The following RAD21 variants were observed in gnomAD, a reference collection of about 807,000 sequenced individuals.
RAD21 encodes RAD21 cohesin complex component, also known as double-strand-break repair protein rad21 homolog.
Under a neutral mutation model 71.5 loss-of-function variants are expected in RAD21, and 18 were observed. The observed-to-expected ratio is 0.25, with a 90% CI of 0.17 to 0.37. The LOEUF is 0.37. Ranked by LOEUF, RAD21 falls within the 10% of genes least tolerant of loss-of-function variation. The probability of loss-of-function intolerance (pLI) is 1.00; values close to 1 mark genes in which losing one functional copy is unlikely to be tolerated. For missense variants in RAD21, 493 were observed against 769.1 expected (o/e 0.64, Z 4.25); for synonymous variants, 248 against 254.0 (o/e 0.98, Z 0.22).
chr8:116,859,107 A>AAAAAAAAAAAAAAAAAAAAG (rs1812531207), intron 4 of RAD21, among the ~76,000 whole-genome samples: 1 of 151,622 alleles, frequency 6.6e-6, no homozygotes. Flanking sequence ...GGAGAAAAAA[A>AAAAAAAAAAAAAAAAAAAAG]AAAAAAAAAA....
At chr8:116,856,832 A>C in intron 6 of RAD21, 61 bp from the exon 7 acceptor site, 1 of 1,269,426 alleles carries the variant, frequency 7.9e-7, no homozygotes, top group Non-Finnish European at 1.0e-6. Context: ...CACAACAGCC[A>C]ATCAATGGAA....
chr8:116,858,518 C>A (rs912848702), intron 4 of RAD21, 60 bp from the exon 5 acceptor site: 1 of 1,341,096 alleles, frequency 7.5e-7, no homozygotes. Context: ...AAACAAATCC[C>A]AATTCTCTCT....
rs9297560 is a variant in RAD21 at position 116,850,723 on chromosome 8, G to C, written c.1515C>G (p.Pro505=). The C allele has an allele frequency of 4.6e-4, 741 of 1,613,220 alleles. 3 individuals carry two copies. The African/African-American group carries it at 9.2e-3, about 20-fold the overall frequency. ...EQMEIPPVEL[P]PEEPPNICQL... ...GACAGATATTTGGAGGTTCTTCTGG[G>C]GGAAGCTCTACAGGTGGTATTTCCA... Residue 505 remains proline, a synonymous_variant, in exon 12 of 14, where the codon CCC becomes CCG. Transcript: ENST00000297338.
chr8:116,856,311 A>C (rs777945694), intron 7 of RAD21, 23 bp from the exon 8 acceptor site: 3 of 1,467,976 alleles, frequency 2.0e-6, no homozygotes, highest in Admixed American at 5.3e-5. Flanking sequence ...AAAAAAAAAA[A>C]AAAAGTCACA....
intron 1 of RAD21, among the ~76,000 whole-genome samples, chr8:116,868,700 AAG>A (rs1433337488): frequency 6.6e-6 from 1 of 152,168 alleles, no homozygotes; most frequent in African/African-American, 2.4e-5. Context: ...ATTTGATTTC[AAG>A]ACTTACTATA....
chr8:116,854,580 C>G, intron 8 of RAD21, 112 bp from the exon 9 acceptor site: 1 of 797,152 alleles, frequency 1.3e-6, no homozygotes, highest in South Asian at 1.7e-5. Flanking sequence ...CAGACTCTAG[C>G]AGAGAAGTTA....
rs910654157 is a variant in RAD21 at position 116,857,137 on chromosome 8, C to A, written c.688+130G>T. 5 of 757,374 alleles carry A rather than the reference C, an allele frequency of 6.6e-6. No individual in the cohort carries two copies. In the Admixed American group the frequency reaches 1.4e-4, roughly 21 times the overall value. The allele number at this position is 757,374 out of a possible 1,614,324, so 46.9% of individuals were successfully genotyped here. A position where few individuals can be genotyped will look rare whatever the true frequency, so the allele number is the denominator to read the frequency against. On this transcript the variant is annotated intron_variant, in intron 6 of 13. Transcript: ENST00000297338. ...AGTTTTACCGAAATGTCCTATTGAACCAACTGATCACAATTCACTCATATA... is the reference window on the plus strand; with the variant it reads ...AGTTTTACCGAAATGTCCTATTGAAACAACTGATCACAATTCACTCATATA...
intron 13 of RAD21, 37 bp downstream of exon 13, chr8:116,848,909 G>T: frequency 1.3e-6 from 2 of 1,538,708 alleles, no homozygotes; most frequent in South Asian, 1.2e-5. Flanking sequence ...AAAAGCCTTT[G>T]ATGAAGCATT....
Position 116,846,015 on chromosome 8 carries a change from T to C in RAD21, c.*1485A>G, listed in dbSNP as rs996033786. 2 of 230,198 alleles carry C rather than the reference T, an allele frequency of 8.7e-6. No homozygotes were observed. The highest frequency in any genetic ancestry group is 4.4e-5 in the African/African-American group (2 of 45,170). The allele number at this position is 230,198 out of a possible 1,614,324, so 14.3% of individuals were successfully genotyped here. On this transcript the variant is annotated 3_prime_UTR_variant, in exon 14 of 14. Coordinates refer to ENST00000297338, the MANE Select transcript of RAD21 (RefSeq NM_006265.3). ...TTTTCAAGAACAATATTAAACCCGATAAGCAACAAAAACCAGACTAACAAA... is the reference window on the plus strand; with the variant it reads ...TTTTCAAGAACAATATTAAACCCGACAAGCAACAAAAACCAGACTAACAAA...
intron 1 of RAD21, 76 bp from the exon 2 acceptor site, chr8:116,866,837 AT>A (rs1443622622): frequency 9.8e-7 from 1 of 1,024,714 alleles, no homozygotes; most frequent in African/African-American, 1.7e-5. Context: ...GAAATTTAAA[AT>A]TTTTCTTCTC....
At chr8:116,856,315 A>AAC (rs1812464098) in intron 7 of RAD21, 27 bp from the exon 8 acceptor site, 1 of 1,376,598 alleles carries the variant, frequency 7.3e-7, no homozygotes. Flanking sequence ...AAAAAAAAAA[A>AAC]GTCACAAAAA....
At chr8:116,865,008 C>T (rs1812663013) in intron 2 of RAD21, among the ~76,000 whole-genome samples, 1 of 152,108 alleles carries the variant, frequency 6.6e-6, no homozygotes, top group Admixed American at 6.6e-5. Context: ...AACAACTAAA[C>T]TGACATTTTC....
At chr8:116,870,145 T>C (rs987838740) in intron 1 of RAD21, among the ~76,000 whole-genome samples, 74 of 152,282 alleles carry the variant, frequency 4.9e-4, no homozygotes, top group African/African-American at 1.7e-3. Flanking sequence ...TAATTCATAC[T>C]AAAAAAACTT....
At position 116,847,341 on chromosome 8, in the gene RAD21, G is replaced by C; in HGVS notation, c.*159C>G. 1 of 606,476 alleles carries C rather than the reference G, an allele frequency of 1.6e-6. No homozygotes were observed. Among genetic ancestry groups the C allele is most frequent in the East Asian group, 3.0e-5 (1 of 33,852 alleles). The allele number at this position is 606,476 out of a possible 1,614,324, so 37.6% of individuals were successfully genotyped here. A position where few individuals can be genotyped will look rare whatever the true frequency, so the allele number is the denominator to read the frequency against. ...ATCAGTTTCCCTCAAAGATGAAATT[G>C]ACAAATTTAATGTACTGGAAAAAAA... On this transcript the variant is annotated 3_prime_UTR_variant, in exon 14 of 14. Transcript: ENST00000297338.
At chr8:116,873,726 T>C (rs1332291467) in intron 1 of RAD21, among the ~76,000 whole-genome samples, 2 of 151,820 alleles carry the variant, frequency 1.3e-5, no homozygotes, top group Non-Finnish European at 2.9e-5. Flanking sequence ...AGAAGGCCGC[T>C]AAGTCTGGCA....
At position 116,850,672 on chromosome 8, in the gene RAD21, C is replaced by T; in HGVS notation, c.1566G>A (p.Leu522=). ...ICQLIPELEL[L]PEKEKEKEKE... is the part of the protein sequence containing the mutation. ...TCTCTTTCTCCTTCTCTTTTTCTGG[C>T]AGAAGTTCTAACTCTGGTATTAGCT... The change falls in exon 12 of 14, where the codon CTG becomes CTA. Residue 522 remains leucine (L), a synonymous_variant. Coordinates refer to ENST00000297338, the MANE Select transcript of RAD21 (RefSeq NM_006265.3). 2.5e-6 allele frequency: 4 copies of T among 1,612,492 alleles called. No individual in the cohort carries two copies. Among genetic ancestry groups the T allele is most frequent in the Non-Finnish European group, 3.4e-6 (4 of 1,178,706 alleles).
chr8:116,866,763 T>A lies in RAD21; in HGVS notation c.-32-2A>T, dbSNP rs1812701981. On this transcript the variant is annotated splice_acceptor_variant, in intron 1 of 13. Transcript: ENST00000297338. LOFTEE classifies it low-confidence loss of function (5UTR_SPLICE). The stretch of plus-strand genomic sequence containing the variant: ...CTGGCTATGAAAACAGAAGAAAACC[T>A]AAGAGGGGAAAAAAAAGTTAATGTA... 2 of 1,536,370 alleles carry A rather than the reference T, an allele frequency of 1.3e-6. No individual in the cohort carries two copies. The highest frequency in any genetic ancestry group is 8.7e-7 in the Non-Finnish European group (1 of 1,143,134).
chr8:116,863,480 C>G (rs556692300), intron 2 of RAD21, among the ~76,000 whole-genome samples: 1 of 152,092 alleles, frequency 6.6e-6, no homozygotes, highest in Admixed American at 6.6e-5. Flanking sequence ...CTAAACCATT[C>G]CATGAATTGT....
chr8:116,870,031 GCAAGACTACTGCAGT>G (rs1413027222), intron 1 of RAD21, among the ~76,000 whole-genome samples: 2 of 152,168 alleles, frequency 1.3e-5, no homozygotes, highest in African/African-American at 4.8e-5. Context: ...GGGCTGTGGT[GCAAGACTACTGCAGT>G]CAGGTTTGCT....
Sources: gnomAD v4.1 joint callset for allele counts (sites outside exome capture counted in the v4.1 genomes callset) on GRCh38, gnomAD v4.1.1 for gene constraint, MANE v1.5 for transcripts, NCBI Gene and HGNC (gene_info 2026-07-23, HGNC 2026-07-21) for gene names.